GRM3: variants seen among roughly 807,000 people sequenced by gnomAD.
GRM3 encodes the protein glutamate metabotropic receptor 3.
A neutral mutation model predicts 70.5 loss-of-function variants in GRM3; 26 were observed. That is an observed-to-expected ratio of 0.37 (90% CI 0.27 to 0.51). The LOEUF (loss-of-function observed/expected upper bound fraction) is 0.51, where lower values mean the gene tolerates loss of function less well. Ranked by LOEUF, GRM3 falls within the 20% of genes least tolerant of loss-of-function variation. The pLI, the probability that GRM3 is intolerant of heterozygous loss-of-function variation, is 0.93. For missense variants in GRM3, 859 were observed against 1,123.8 expected (o/e 0.76, Z 3.37); for synonymous variants, 443 against 434.9 (o/e 1.02, Z -0.23).
rs532042479 is a variant in GRM3 at position 86,656,902 on chromosome 7, T to G, written c.-141+12030T>G. Among the ~76,000 whole-genome samples, 200 of 152,220 alleles carry G rather than the reference T, an allele frequency of 1.3e-3. 1 individual carries two copies. Among genetic ancestry groups the G allele is most frequent in the African/African-American group, 4.7e-3 (194 of 41,550 alleles). ...GCTGGTTTTTCTGACTAGAATTAGC[T>G]CCCAACGAATAAAGATCTTGTCTGT... On this transcript the variant is annotated intron_variant, in intron 1 of 5. Coordinates refer to ENST00000361669, the MANE Select transcript of GRM3 (RefSeq NM_000840.3).
At chr7:86,650,865 C>G (rs918666347) in intron 1 of GRM3, among the ~76,000 whole-genome samples, 16 of 152,256 alleles carry the variant, frequency 1.1e-4, no homozygotes, top group Non-Finnish European at 2.4e-4. Flanking sequence ...GGAAAACAAG[C>G]TGGTAAAAAA....
At chr7:86,650,553 T>G (rs1361167660) in intron 1 of GRM3, among the ~76,000 whole-genome samples, 1 of 152,108 alleles carries the variant, frequency 6.6e-6, no homozygotes, top group Admixed American at 6.5e-5. Flanking sequence ...GGCAGAGACA[T>G]GCAAATGGAA....
intron 1 of GRM3, among the ~76,000 whole-genome samples, chr7:86,667,960 T>G (rs892429004): frequency 4.6e-5 from 7 of 152,250 alleles, no homozygotes; most frequent in African/African-American, 1.7e-4. Flanking sequence ...AAGGGAGATT[T>G]TGGGTAGCTA....
intron 1 of GRM3, among the ~76,000 whole-genome samples, chr7:86,717,894 C>A (rs1478008020): frequency 6.6e-6 from 1 of 151,710 alleles, no homozygotes; most frequent in Non-Finnish European, 1.5e-5. Context: ...AAACATTGTG[C>A]ATACCATCTC....
intron 1 of GRM3, among the ~76,000 whole-genome samples, chr7:86,724,738 A>C (rs984512898): frequency 6.6e-6 from 1 of 152,012 alleles, no homozygotes; most frequent in African/African-American, 2.4e-5. Flanking sequence ...TGATTCATAA[A>C]TCACACTCTT....
chr7:86,764,870 G>A (rs144364256), intron 1 of GRM3, 136 bp from the exon 2 acceptor site: 58 of 393,996 alleles, frequency 1.5e-4, no homozygotes, highest in African/African-American at 1.1e-3. Context: ...GTGAGAGAGT[G>A]CCTGGTGCTG....
intron 1 of GRM3, among the ~76,000 whole-genome samples, chr7:86,725,646 G>T (rs1795575415): frequency 6.6e-6 from 1 of 152,126 alleles, no homozygotes; most frequent in South Asian, 2.1e-4. Flanking sequence ...AATAAAGTCA[G>T]CCACAGTAGG....
At chr7:86,745,386 G>T (rs1463206002) in intron 1 of GRM3, among the ~76,000 whole-genome samples, 1 of 152,068 alleles carries the variant, frequency 6.6e-6, no homozygotes, top group African/African-American at 2.4e-5. Context: ...CTCAGATTTA[G>T]AATACCACCC....
At chr7:86,831,208 A>G (rs1562877168) in intron 3 of GRM3, among the ~76,000 whole-genome samples, 1 of 152,200 alleles carries the variant, frequency 6.6e-6, no homozygotes, top group Non-Finnish European at 1.5e-5. Flanking sequence ...GGAAGGGTGG[A>G]ATGATAGGGA....
At chr7:86,705,332 A>T (rs939018206) in intron 1 of GRM3, among the ~76,000 whole-genome samples, 1 of 152,016 alleles carries the variant, frequency 6.6e-6, no homozygotes, top group Admixed American at 6.6e-5. Context: ...ATTACAACTC[A>T]GAGAGGTGAA....
chr7:86,701,251 A>G (rs1402552473), intron 1 of GRM3, among the ~76,000 whole-genome samples: 1 of 151,986 alleles, frequency 6.6e-6, no homozygotes, highest in Non-Finnish European at 1.5e-5. Flanking sequence ...GAATATTATA[A>G]TAACCAGAAT....
chr7:86,713,930 T>C (rs1038904995), intron 1 of GRM3, among the ~76,000 whole-genome samples: 3 of 151,952 alleles, frequency 2.0e-5, no homozygotes, highest in African/African-American at 7.2e-5. Flanking sequence ...GTCATGCCCC[T>C]TAGAGCTCCT....
At chr7:86,757,895 G>A (rs878971684) in intron 1 of GRM3, among the ~76,000 whole-genome samples, 2 of 152,088 alleles carry the variant, frequency 1.3e-5, no homozygotes, top group South Asian at 4.1e-4. Flanking sequence ...ACTTCTCCTA[G>A]TAACCATGTC....
intron 3 of GRM3, among the ~76,000 whole-genome samples, chr7:86,814,329 C>G (rs1044703643): frequency 6.6e-6 from 1 of 151,712 alleles, no homozygotes; most frequent in Admixed American, 6.6e-5. Context: ...ACCCAACACT[C>G]CAGCAGTAGA....
At chr7:86,764,806 T>C (rs1157050639) in intron 1 of GRM3, among the ~76,000 whole-genome samples, 200 bp from the exon 2 acceptor site, 2 of 152,058 alleles carry the variant, frequency 1.3e-5, no homozygotes, top group Non-Finnish European at 2.9e-5. Context: ...TTCTGTGAGA[T>C]GGGACCACTA....
At chr7:86,797,796 C>T (rs952757536) in intron 3 of GRM3, among the ~76,000 whole-genome samples, 16 of 152,152 alleles carry the variant, frequency 1.1e-4, no homozygotes, top group African/African-American at 3.6e-4. Flanking sequence ...ACATCCCCTC[C>T]CATCACAACT....
chr7:86,821,924 C>T (rs979984738), intron 3 of GRM3, among the ~76,000 whole-genome samples: 1 of 151,660 alleles, frequency 6.6e-6, no homozygotes, highest in African/African-American at 2.4e-5. Context: ...GAAATAATTA[C>T]ATCTGGCTTA....
chr7:86,864,158 T>C, intron 5 of GRM3, 124 bp from the exon 6 acceptor site: 1 of 677,642 alleles, frequency 1.5e-6, no homozygotes. Flanking sequence ...ATTTGTAGTC[T>C]TTTATCCCTC....
rs191997354 is a variant in GRM3 at position 86,707,621 on chromosome 7, G to A, written c.-140-57385G>A. The stretch of plus-strand genomic sequence containing the variant: ...ATGCAGGGAACAAAAGAGCAAAGTG[G>A]ATAAAGTGGCTTGTAATTGTGCCTG... On this transcript the variant is annotated intron_variant, in intron 1 of 5. Coordinates refer to ENST00000361669, the MANE Select transcript of GRM3 (RefSeq NM_000840.3). Among the ~76,000 whole-genome samples the A allele has an allele frequency of 1.4e-3, 219 of 152,212 alleles. 2 individuals carry two copies. The highest frequency in any genetic ancestry group is 4.6e-3 in the African/African-American group (193 of 41,560).
Sources: gnomAD v4.1 joint callset for allele counts (sites outside exome capture counted in the v4.1 genomes callset) on GRCh38, gnomAD v4.1.1 for gene constraint, MANE v1.5 for transcripts, NCBI Gene and HGNC (gene_info 2026-07-23, HGNC 2026-07-21) for gene names.